TESK2: variants seen among roughly 807,000 people sequenced by gnomAD.
TESK2 encodes testis associated actin remodelling kinase 2.
In TESK2, 39 loss-of-function variants were observed where a neutral mutation model predicts 57.1. The observed-to-expected ratio is 0.68, with a 90% CI of 0.53 to 0.89. TESK2 has a LOEUF of 0.89. TESK2 is among the 40% of genes least tolerant of loss of function. The probability of loss-of-function intolerance (pLI) is 0.00; values close to 1 mark genes in which losing one functional copy is unlikely to be tolerated. For synonymous variants in TESK2, 249 were observed against 267.9 expected, an observed-to-expected ratio of 0.93 and a Z score of 0.69; for missense variants, 646 against 732.1, an observed-to-expected ratio of 0.88 and a Z score of 1.36.
intron 2 of TESK2, among the ~76,000 whole-genome samples, chr1:45,452,777 T>C (rs1013967054): frequency 1.3e-5 from 2 of 148,316 alleles, no homozygotes; most frequent in Non-Finnish European, 3.0e-5. Context: ...AAAAGCTGAG[T>C]GCAGTGGCTC....
chr1:45,472,235 G>C (rs1222235712), intron 1 of TESK2, among the ~76,000 whole-genome samples: 2 of 129,496 alleles, frequency 1.5e-5, no homozygotes, highest in Non-Finnish European at 3.2e-5. Flanking sequence ...CTGGGCGACA[G>C]AGCAAGACTC....
At chr1:45,421,698 T>A (rs772639291) in intron 3 of TESK2, 27 bp downstream of exon 3, 3 of 1,612,556 alleles carry the variant, frequency 1.9e-6, no homozygotes. Context: ...GTTTTCTCAT[T>A]GATCAGAAGG....
At chr1:45,395,659 T>C (rs1429732775) in intron 3 of TESK2, among the ~76,000 whole-genome samples, 1 of 151,110 alleles carries the variant, frequency 6.6e-6, no homozygotes, top group East Asian at 1.9e-4. Context: ...CAGGCTGGAG[T>C]GCAGTGTTGC....
At chr1:45,444,881 C>T (rs545337976) in intron 2 of TESK2, among the ~76,000 whole-genome samples, 1 of 152,116 alleles carries the variant, frequency 6.6e-6, no homozygotes, top group African/African-American at 2.4e-5. Flanking sequence ...AAACTAACCC[C>T]CTGCTTGCTT....
chr1:45,437,415 C>G (rs1490209983), intron 2 of TESK2, among the ~76,000 whole-genome samples: 1 of 152,044 alleles, frequency 6.6e-6, no homozygotes, highest in Non-Finnish European at 1.5e-5. Context: ...AATCCTGTAA[C>G]TTTACTGAAT....
intron 7 of TESK2, among the ~76,000 whole-genome samples, chr1:45,347,354 T>A (rs1182482425): frequency 6.6e-6 from 1 of 152,050 alleles, no homozygotes; most frequent in Non-Finnish European, 1.5e-5. Flanking sequence ...TCACTTCAGG[T>A]CAGGAGTCTG....
At chr1:45,416,803 T>C (rs1333342190) in intron 3 of TESK2, among the ~76,000 whole-genome samples, 1 of 151,920 alleles carries the variant, frequency 6.6e-6, no homozygotes, top group African/African-American at 2.4e-5. Flanking sequence ...TTTTTTTTTT[T>C]TGAGACAGAG....
intron 3 of TESK2, among the ~76,000 whole-genome samples, chr1:45,389,398 G>A (rs1195916355): frequency 1.3e-5 from 2 of 152,072 alleles, no homozygotes; most frequent in African/African-American, 2.4e-5. Flanking sequence ...GGGTGACAGC[G>A]TGAGACCCTG....
At chr1:45,487,172 G>C (rs984410781) in intron 1 of TESK2, among the ~76,000 whole-genome samples, 2 of 152,026 alleles carry the variant, frequency 1.3e-5, no homozygotes, top group Non-Finnish European at 2.9e-5. Flanking sequence ...CATATGTCAA[G>C]CTTACAAAGG....
rs1286094867 is a variant in TESK2 at position 45,457,702 on chromosome 1, T to A, written c.84A>T (p.Gly28=). The A allele has an allele frequency of 1.9e-6, 3 of 1,614,032 alleles. No individual in the cohort carries two copies. The highest frequency in any genetic ancestry group is 2.5e-6 in the Non-Finnish European group (3 of 1,180,024). Residue 28 remains glycine, a synonymous_variant, in exon 2 of 11, where the codon GGA becomes GGT. Coordinates refer to ENST00000372086, the MANE Select transcript of TESK2 (RefSeq NM_007170.3). Reference sequence around the variant, plus strand: ...TTCCCACCTGGCTCACATTTCCTTCTCCTCCACCACCTCCTTCAAACTCTT... The same window carrying A: ...TTCCCACCTGGCTCACATTTCCTTCACCTCCACCACCTCCTTCAAACTCTT... ...RLEEFEGGGG[G]EGNVSQVGRV...
intron 9 of TESK2, 21 bp from the exon 10 acceptor site, chr1:45,346,015 C>G: frequency 6.4e-7 from 1 of 1,572,148 alleles, no homozygotes; most frequent in Non-Finnish European, 8.8e-7. Context: ...CCACAACAGC[C>G]ATGAGCTCTG....
In TESK2 at chr1:45,360,097, C is replaced by T. The variant is rs562159161; in HGVS notation, c.394-4648G>A. 2.6e-5 allele frequency among the ~76,000 whole-genome samples: 4 copies of T among 152,240 alleles called. No individual in the cohort carries two copies. In the South Asian group the frequency reaches 8.3e-4, roughly 32 times the overall value. On this transcript the variant is annotated intron_variant, in intron 4 of 10. Transcript: ENST00000372086. ...AAACTTGTTGATCTGCTTCATCCTG[C>T]TTGATAATCCATCTTTGAAAATCTT...
At chr1:45,475,111 T>C (rs1182356955) in intron 1 of TESK2, among the ~76,000 whole-genome samples, 1 of 150,472 alleles carries the variant, frequency 6.6e-6, no homozygotes, top group African/African-American at 2.4e-5. Flanking sequence ...ACTCACCTTT[T>C]CTTCTGATGT....
chr1:45,368,197 G>A (rs1648023955), intron 4 of TESK2, among the ~76,000 whole-genome samples: 1 of 149,606 alleles, frequency 6.7e-6, no homozygotes, highest in Non-Finnish European at 1.5e-5. Flanking sequence ...GTTTCACCAT[G>A]TTGGCCAGGC....
chr1:45,436,181 C>CTTGTTTTTTTTT (rs1651208341), intron 2 of TESK2, among the ~76,000 whole-genome samples: 1 of 56,604 alleles, frequency 1.8e-5, no homozygotes, highest in South Asian at 9.4e-4. Context: ...TTGGTATCTT[C>CTTGTTTTTTTTT]TTTTTTTTTT....
intron 1 of TESK2, among the ~76,000 whole-genome samples, chr1:45,478,916 G>A (rs1653104338): frequency 6.6e-6 from 1 of 151,910 alleles, no homozygotes; most frequent in Non-Finnish European, 1.5e-5. Context: ...TAGAGACGGG[G>A]TTTCACCGTA....
chr1:45,398,719 C>G lies in TESK2; in HGVS notation c.345-12759G>C, dbSNP rs376924795. The G allele has an allele frequency of 2.1e-5, 5 of 234,032 alleles. No individual in the cohort carries two copies. The East Asian group carries it at 4.1e-4, about 19-fold the overall frequency. The allele number at this position is 234,032 out of a possible 1,614,324, so 14.5% of individuals were successfully genotyped here. On this transcript the variant is annotated intron_variant, in intron 3 of 10. Transcript: ENST00000372086. ...CTACTTGTTCAACAAATTGCTTCCC[C>G]TTTCCTCCTGAAGTAGATTACATTT...
chr1:45,421,727 A>G lies in TESK2; in HGVS notation c.342T>C (p.Leu114=), dbSNP rs1018630029. The G allele has an allele frequency of 6.2e-7, 1 of 1,614,004 alleles. No individual in the cohort carries two copies. ...CAGAAGGAAGGAAAAGCCATTACCT[A>G]AGGATGTTGGGATGGGAGAGTCTAT... is the stretch of plus-strand genomic sequence containing the variant. The part of the protein sequence containing the change: ...LMNRLSHPNI[L]RFMGVCVHQG... The change falls in exon 3 of 11, where the codon CTT becomes CTC. Residue 114 remains leucine, a splice_region_variant and synonymous_variant. Coordinates refer to ENST00000372086, the MANE Select transcript of TESK2 (RefSeq NM_007170.3).
At chr1:45,464,146 G>A (rs1011622789) in intron 1 of TESK2, among the ~76,000 whole-genome samples, 5 of 151,990 alleles carry the variant, frequency 3.3e-5, no homozygotes, top group African/African-American at 4.8e-5. Context: ...TAACAATATC[G>A]ATTCTTTCAA....
Sources: allele counts gnomAD v4.1 joint callset (sites outside exome capture counted in the v4.1 genomes callset), GRCh38; gene constraint gnomAD v4.1.1; transcripts MANE v1.5; gene names NCBI Gene and HGNC (gene_info 2026-07-23, HGNC 2026-07-21).